Variants in MAMLD1 observed in about 807,000 individuals in gnomAD.
The protein encoded by MAMLD1 is mastermind-like domain-containing protein 1.
Under a neutral mutation model 45.0 loss-of-function variants are expected in MAMLD1, and 14 were observed. The observed-to-expected ratio is 0.31, with a 90% CI of 0.21 to 0.49. The LOEUF (loss-of-function observed/expected upper bound fraction) is 0.49, where lower values mean the gene tolerates loss of function less well. MAMLD1 is among the 20% of genes least tolerant of loss of function. MAMLD1 has a pLI of 0.99. For missense variants in MAMLD1, 543 were observed against 603.6 expected (o/e 0.90, Z 1.05); for synonymous variants, 254 against 247.8 (o/e 1.02, Z -0.24).
At chrX:150,394,297 T>C (rs1456217985) in intron 1 of MAMLD1, among the ~76,000 whole-genome samples, 2 of 109,707 alleles carry the variant, frequency 1.8e-5, no homozygotes, top group Admixed American at 9.8e-5. Flanking sequence ...GCTGCATTGA[T>C]CTATTTGTAT....
intron 1 of MAMLD1, among the ~76,000 whole-genome samples, chrX:150,413,847 G>T (rs181517934): frequency 8.9e-4 from 97 of 109,078 alleles, no homozygotes; most frequent in African/African-American, 3.1e-3. Flanking sequence ...AATGTACAAA[G>T]GATAGAACTC....
At chrX:150,477,988 C>T (rs782617965) in intron 5 of MAMLD1, among the ~76,000 whole-genome samples, 2 of 111,823 alleles carry the variant, frequency 1.8e-5, no homozygotes, top group African/African-American at 3.3e-5. Flanking sequence ...CTCTCGTTTC[C>T]GTCCTTCTTC....
At chrX:150,370,030 A>AATGG (rs1399210886) in intron 1 of MAMLD1, among the ~76,000 whole-genome samples, 11 of 108,139 alleles carry the variant, frequency 1.0e-4, no homozygotes, top group Admixed American at 8.0e-4. Flanking sequence ...ATACACATAT[A>AATGG]ATGGATGTAA....
chrX:150,443,265 A>G (rs1557404623), intron 1 of MAMLD1, among the ~76,000 whole-genome samples: 1 of 90,244 alleles, frequency 1.1e-5, no homozygotes, highest in Non-Finnish European at 2.1e-5. Flanking sequence ...TCTCTTTCTC[A>G]TCTCCTTCTG....
intron 1 of MAMLD1, among the ~76,000 whole-genome samples, chrX:150,394,376 T>A (rs2033334578): frequency 9.1e-6 from 1 of 110,104 alleles, no homozygotes; most frequent in Admixed American, 9.7e-5. Context: ...TCAGGTAGTG[T>A]CAGTCCTTTG....
rs1557403015 is a variant in MAMLD1, at chrX:150,415,614, C to G, written c.-63-29840C>G. Among the ~76,000 whole-genome samples, 33 of 112,330 alleles carry G rather than the reference C, an allele frequency of 2.9e-4. No individual in the cohort carries two copies. In the East Asian group the frequency reaches 8.7e-3, roughly 30 times the overall value. ...TAATTGGATGAATGAACTGCAAAGT[C>G]TTGGCACACAACTGCTTATTCGGAG... is the stretch of plus-strand genomic sequence containing the variant. On this transcript the variant is annotated intron_variant, in intron 1 of 7. Coordinates refer to ENST00000370401, the MANE Select transcript of MAMLD1 (RefSeq NM_005491.5).
chrX:150,488,965 A>G (rs1280644247), intron 5 of MAMLD1, among the ~76,000 whole-genome samples: 1 of 113,163 alleles, frequency 8.8e-6, no homozygotes, highest in African/African-American at 3.2e-5. Flanking sequence ...CCCTTTTATC[A>G]GGAACCCTAG....
At chrX:150,364,092 G>A (rs782016433) in intron 1 of MAMLD1, among the ~76,000 whole-genome samples, 3 of 113,126 alleles carry the variant, frequency 2.7e-5, no homozygotes, top group Non-Finnish European at 5.6e-5. Context: ...CTCCTGGGAA[G>A]CGCAGCCCGG....
intron 1 of MAMLD1, among the ~76,000 whole-genome samples, chrX:150,416,639 C>T (rs1384340880): frequency 8.9e-6 from 1 of 112,205 alleles, no homozygotes; most frequent in Non-Finnish European, 1.9e-5. Flanking sequence ...AGCAATTTTC[C>T]CACTGTCTTT....
At position 150,513,121 on chromosome X, in the gene MAMLD1, GA is replaced by G; in HGVS notation, c.*1164del. 1.9e-6 allele frequency: 2 copies of G among 1,052,756 alleles called. No individual in the cohort carries two copies. Among genetic ancestry groups the G allele is most frequent in the Non-Finnish European group, 2.5e-6 (2 of 793,379 alleles). 86.8% of individuals were successfully genotyped at this position (1,052,756 alleles called of 1,213,427 possible). Reference sequence around the variant, plus strand: ...AACCCCCATGGTGACATCACTCTAGGAAGTGGTGTCGATCCATACCCGCAGT... The same window carrying G: ...AACCCCCATGGTGACATCACTCTAGGAGTGGTGTCGATCCATACCCGCAGT... On this transcript the variant is annotated 3_prime_UTR_variant, in exon 8 of 8. Transcript: ENST00000370401.
chrX:150,398,329 G>GAAGA (rs2033579160), intron 1 of MAMLD1, among the ~76,000 whole-genome samples: 3 of 83,857 alleles, frequency 3.6e-5, no homozygotes, highest in African/African-American at 1.3e-4. Flanking sequence ...AGAAGAAGAA[G>GAAGA]AAGAAGAAGA....
intron 1 of MAMLD1, among the ~76,000 whole-genome samples, chrX:150,395,554 T>A (rs1317161023): frequency 9.0e-6 from 1 of 111,534 alleles, no homozygotes; most frequent in Non-Finnish European, 1.9e-5. Flanking sequence ...AGTGAACCCA[T>A]CCAGGCCTGG....
intron 1 of MAMLD1, among the ~76,000 whole-genome samples, chrX:150,435,827 A>C (rs782657373): frequency 8.9e-6 from 1 of 112,450 alleles, no homozygotes; most frequent in Admixed American, 9.4e-5. Flanking sequence ...CTATGTACTT[A>C]AGAGTGCTTT....
chrX:150,403,883 G>T, intron 1 of MAMLD1, among the ~76,000 whole-genome samples: 1 of 93,342 alleles, frequency 1.1e-5, no homozygotes, highest in South Asian at 5.2e-4. Context: ...AGAAAGGAAA[G>T]AAAGAAGAAA....
intron 1 of MAMLD1, among the ~76,000 whole-genome samples, chrX:150,435,420 C>A (rs1347634346): frequency 2.7e-5 from 3 of 111,422 alleles, no homozygotes. Context: ...GAGGCTGAGG[C>A]AAAGAATTGC....
chrX:150,480,375 T>G (rs1557407107), intron 5 of MAMLD1, among the ~76,000 whole-genome samples: 1 of 112,568 alleles, frequency 8.9e-6, no homozygotes, highest in African/African-American at 3.2e-5. Flanking sequence ...ATTTTGTTAT[T>G]TTGCCTACAA....
At chrX:150,377,857 A>ACACACACACAC (rs2032411167) in intron 1 of MAMLD1, among the ~76,000 whole-genome samples, 1 of 107,860 alleles carries the variant, frequency 9.3e-6, no homozygotes, top group African/African-American at 3.4e-5. Flanking sequence ...ACACACACAC[A>ACACACACACAC]ATTTTATTCT....
chrX:150,389,204 G>A (rs782258556), intron 1 of MAMLD1, among the ~76,000 whole-genome samples: 35 of 110,862 alleles, frequency 3.2e-4, no homozygotes, highest in Admixed American at 2.9e-4. Context: ...ACACTGCCAC[G>A]CCTGACTAAT....
intron 5 of MAMLD1, among the ~76,000 whole-genome samples, chrX:150,491,164 C>T (rs1557407932): frequency 9.0e-6 from 1 of 111,471 alleles, no homozygotes; most frequent in East Asian, 2.8e-4. Flanking sequence ...ACAACACCCC[C>T]AAGCAGTGGG....
Sources: allele counts gnomAD v4.1 joint callset (sites outside exome capture counted in the v4.1 genomes callset), GRCh38; gene constraint gnomAD v4.1.1; transcripts MANE v1.5; gene names NCBI Gene and HGNC (gene_info 2026-07-23, HGNC 2026-07-21).